NOC3L: variants seen among roughly 807,000 people sequenced by gnomAD.
NOC3L encodes NOC3 like DNA replication regulator.
NOC3L carries 85 observed loss-of-function variants against 102.5 expected under a neutral mutation model. The observed-to-expected ratio is 0.83, with a 90% CI of 0.70 to 0.99. The LOEUF is 0.99. NOC3L is among the 50% of genes least tolerant of loss of function. The pLI is 0.00. For synonymous variants in NOC3L, 303 were observed against 309.4 expected (o/e 0.98, Z 0.22); for missense variants, 878 against 914.9 (o/e 0.96, Z 0.52).
chr10:94,337,244 C>G (rs1177224660), intron 19 of NOC3L, among the ~76,000 whole-genome samples: 1 of 151,594 alleles, frequency 6.6e-6, no homozygotes, highest in Non-Finnish European at 1.5e-5. Flanking sequence ...AGGTACTCTG[C>G]AAGGGCCAAA....
the NOC3L span, chr10:94,325,428 T>C: frequency 1.1e-4 from 30 of 278,458 alleles, no homozygotes; most frequent in Non-Finnish European, 2.0e-4. Context: ...AAACCCCGTC[T>C]CTACTAAAAA....
At chr10:94,340,710 G>A (rs905840560) in intron 14 of NOC3L, among the ~76,000 whole-genome samples, 7 of 151,890 alleles carry the variant, frequency 4.6e-5, no homozygotes, top group South Asian at 2.1e-4. Flanking sequence ...GGCCGGGCGC[G>A]GTGGCTCACG....
At chr10:94,322,185 G>A in the NOC3L span, 1 of 893,752 alleles carries the variant, frequency 1.1e-6, no homozygotes, top group Non-Finnish European at 1.8e-6. Flanking sequence ...AAAGGGGAGT[G>A]TGTGCCTCTT....
chr10:94,320,285 C>T, the NOC3L span, among the ~76,000 whole-genome samples: 2 of 151,776 alleles, frequency 1.3e-5, no homozygotes, highest in East Asian at 1.9e-4. Flanking sequence ...ATGGAGTATT[C>T]ATTCATGGGA....
intron 19 of NOC3L, among the ~76,000 whole-genome samples, chr10:94,337,568 CAGA>C (rs1000861642): frequency 6.6e-6 from 1 of 151,958 alleles, no homozygotes. Flanking sequence ...AGTTGAATGA[CAGA>C]AGAAGAAAAA....
chr10:94,339,861 G>A lies in NOC3L; in HGVS notation c.1840C>T (p.Arg614Cys), dbSNP rs1172757634. 9.3e-6 allele frequency: 15 copies of A among 1,614,046 alleles called. No homozygotes were observed. Among genetic ancestry groups the A allele is most frequent in the Middle Eastern group, 1.6e-4 (1 of 6,084 alleles). Residue 614 changes from arginine to cysteine, a missense_variant, in exon 17 of 21, where the codon CGC becomes TGC. Transcript: ENST00000371361. ...CGCTGCTGAGAAACTTGCTTTCTGCGCTTAGTTAGCATGACATCAAGGCAC... is the reference window on the plus strand; with the variant it reads ...CGCTGCTGAGAAACTTGCTTTCTGCACTTAGTTAGCATGACATCAAGGCAC... Reference protein sequence around the residue: ...LQCLDVMLTKRRKQVSQQRAL... With the variant: ...LQCLDVMLTKCRKQVSQQRAL...
intron 17 of NOC3L, 48 bp downstream of exon 17, chr10:94,339,689 AAT>A: frequency 6.8e-7 from 1 of 1,470,704 alleles, no homozygotes; most frequent in Non-Finnish European, 9.2e-7. Flanking sequence ...AAACAAAAAA[AAT>A]CATTGCATTA....
the NOC3L span, among the ~76,000 whole-genome samples, chr10:94,320,574 G>A: frequency 3.3e-5 from 5 of 152,210 alleles, no homozygotes; most frequent in Non-Finnish European, 5.9e-5. Flanking sequence ...TAGTTAGTTA[G>A]CACCCATTTC....
At chr10:94,317,300 T>C in the NOC3L span, among the ~76,000 whole-genome samples, 1 of 152,292 alleles carries the variant, frequency 6.6e-6, no homozygotes, top group Admixed American at 6.5e-5. Flanking sequence ...AATAAACTAT[T>C]CCATTTTAAA....
At chr10:94,362,656 C>A (rs1459487092) in intron 1 of NOC3L, among the ~76,000 whole-genome samples, 174 bp downstream of exon 1, 1 of 152,148 alleles carries the variant, frequency 6.6e-6, no homozygotes, top group African/African-American at 2.4e-5. Flanking sequence ...TGAAGTGGTG[C>A]GCGCACACAG....
At chr10:94,352,797 G>A in intron 7 of NOC3L, 99 bp downstream of exon 7, 2 of 1,018,410 alleles carry the variant, frequency 2.0e-6, no homozygotes, top group Non-Finnish European at 2.9e-6. Flanking sequence ...ACTCTAGTCT[G>A]GGCGACAGAG....
Position 94,349,257 on chromosome 10 carries a change from C to A in NOC3L, c.1250G>T (p.Arg417Met). 1 of 1,567,744 alleles carries A rather than the reference C, an allele frequency of 6.4e-7. No homozygotes were observed. The highest frequency in any genetic ancestry group is 8.6e-7 in the Non-Finnish European group (1 of 1,165,868). ...AAAAAAAAAAAGGCTCACCTCTGGC[C>A]TAACTTCGTAATTTCTGCCCTTCAC... ...GFVKGRNYEV[R>M]PEMLKTFLCL... Residue 417 changes from arginine (R) to methionine (M), a missense_variant, in exon 10 of 21, where the codon AGG becomes ATG. Transcript: ENST00000371361.
At position 94,362,826 on chromosome 10, in the gene NOC3L, T is replaced by G; in HGVS notation, c.9+4A>C. 1 of 1,614,066 alleles carries G rather than the reference T, an allele frequency of 6.2e-7. No homozygotes were observed. Among genetic ancestry groups the G allele is most frequent in the Non-Finnish European group, 8.5e-7 (1 of 1,180,032 alleles). ...GCGGCGACCGGGCTTTTGAGGACAC[T>G]TACCGCCTTCATCCTTAGGCCTTAA... On this transcript the variant is annotated splice_donor_region_variant and intron_variant, in intron 1 of 20. Coordinates refer to ENST00000371361, the MANE Select transcript of NOC3L (RefSeq NM_022451.11).
chr10:94,360,412 A>G (rs1353357149), intron 2 of NOC3L, among the ~76,000 whole-genome samples: 2 of 152,234 alleles, frequency 1.3e-5, no homozygotes, highest in Non-Finnish European at 2.9e-5. Context: ...TGTGTGCAAC[A>G]ACATGGATGA....
In NOC3L at chr10:94,362,870, A is replaced by G; in HGVS notation, c.-32T>C. 1 of 1,613,976 alleles carries G rather than the reference A, an allele frequency of 6.2e-7. No individual in the cohort carries two copies. The highest frequency in any genetic ancestry group is 8.5e-7 in the Non-Finnish European group (1 of 1,180,024). The stretch of plus-strand genomic sequence containing the variant: ...GCCTTAAATGAATGCCGGCCAGACA[A>G]GTTCACCAGAAGCAGGGTTACTACA... On this transcript the variant is annotated 5_prime_UTR_variant, in exon 1 of 21. Coordinates refer to ENST00000371361, the MANE Select transcript of NOC3L (RefSeq NM_022451.11).
In NOC3L at chr10:94,355,046, T is replaced by A; in HGVS notation, c.613A>T (p.Ile205Phe). The change falls in exon 6 of 21, where the codon ATT (isoleucine) becomes TTT (phenylalanine). Residue 205 changes from isoleucine to phenylalanine, a missense_variant. By Grantham distance (21) the Ile-to-Phe change is conservative (BLOSUM62 0). Coordinates refer to ENST00000371361, the MANE Select transcript of NOC3L (RefSeq NM_022451.11). ...TCCTGTAATTTCTTCTTTCTCTCAA[T>A]CAAATGTTCTTCTATGGTCAGCTCT... The part of the protein sequence containing the change: ...IQELTIEEHL[I>F]ERKKKLQEKK... 6.2e-7 allele frequency: 1 copy of A among 1,612,874 alleles called. No individual in the cohort carries two copies. The highest frequency in any genetic ancestry group is 8.5e-7 in the Non-Finnish European group (1 of 1,179,420).
chr10:94,356,542 A>G lies in NOC3L; in HGVS notation c.558T>C (p.Leu186=), dbSNP rs2054486859. Residue 186 remains leucine (L), a synonymous_variant, in exon 5 of 21, where the codon CTT becomes CTC. Coordinates refer to ENST00000371361, the MANE Select transcript of NOC3L (RefSeq NM_022451.11). ...ACTGTAAAGACATATTACCTTCCTC[A>G]AGTTCCCTCTCTTCTTCTTGATCCT... ...DEEDQEEERE[L]EEEIIEDPIQ... 1.3e-6 allele frequency: 2 copies of G among 1,575,478 alleles called. No homozygotes were observed. Among genetic ancestry groups the G allele is most frequent in the Non-Finnish European group, 1.7e-6 (2 of 1,146,470 alleles).
chr10:94,318,917 A>C, the NOC3L span, among the ~76,000 whole-genome samples: 1 of 152,162 alleles, frequency 6.6e-6, no homozygotes, highest in Non-Finnish European at 1.5e-5. Flanking sequence ...GCGTGGTAGC[A>C]GGCACCTGTA....
the NOC3L span, chr10:94,321,914 A>C: frequency 6.2e-7 from 1 of 1,613,438 alleles, no homozygotes; most frequent in Non-Finnish European, 8.5e-7. Flanking sequence ...CTAGAAGAGA[A>C]AAACATTGTT....
Sources: gnomAD v4.1 joint callset for allele counts (sites outside exome capture counted in the v4.1 genomes callset) on GRCh38, gnomAD v4.1.1 for gene constraint, MANE v1.5 for transcripts, NCBI Gene and HGNC (gene_info 2026-07-23, HGNC 2026-07-21) for gene names.